SHOC2: variants seen among roughly 807,000 people sequenced by gnomAD.
SHOC2 encodes the protein SHOC2 leucine rich repeat scaffold protein.
In SHOC2, 4 loss-of-function variants were observed where a neutral mutation model predicts 50.2. That is an observed-to-expected ratio of 0.08 (90% CI 0.04 to 0.18). The LOEUF is 0.18. Ranked by LOEUF, SHOC2 falls within the 10% of genes least tolerant of loss-of-function variation. The pLI, the probability that SHOC2 is intolerant of heterozygous loss-of-function variation, is 1.00. For synonymous variants in SHOC2, 218 were observed against 244.5 expected (o/e 0.89, Z 1.01); for missense variants, 388 against 669.6 (o/e 0.58, Z 4.64).
chr10:110,994,507 G>C (rs749026228), intron 3 of SHOC2, among the ~76,000 whole-genome samples: 14 of 152,136 alleles, frequency 9.2e-5, no homozygotes, highest in Non-Finnish European at 1.0e-4. Context: ...AATGCCATCA[G>C]TTGAGCAATG....
At chr10:111,010,405 A>G (rs1848545032) in intron 8 of SHOC2, among the ~76,000 whole-genome samples, 1 of 152,160 alleles carries the variant, frequency 6.6e-6, no homozygotes, top group Non-Finnish European at 1.5e-5. Flanking sequence ...ATGTTTTCCC[A>G]TCTATAGTGC....
In SHOC2 at chr10:111,000,748, T is replaced by C. The variant is rs137904608; in HGVS notation, c.972+203T>C. ...ATGAACCTATTAAGTTTTATGATTATTATTTTTTTAATGTAAAGAAAAAGG... is the reference window on the plus strand; with the variant it reads ...ATGAACCTATTAAGTTTTATGATTACTATTTTTTTAATGTAAAGAAAAAGG... On this transcript the variant is annotated intron_variant, in intron 4 of 8. Coordinates refer to ENST00000369452, the MANE Select transcript of SHOC2 (RefSeq NM_007373.4). Among the ~76,000 whole-genome samples, 4 of 152,300 alleles carry C rather than the reference T, an allele frequency of 2.6e-5. No homozygotes were observed. The East Asian group carries it at 7.7e-4, about 29-fold the overall frequency.
upstream of SHOC2, chr10:110,919,537 CGGGGCGAGTGGGGGA>C (rs1846557221): frequency 5.7e-5 from 3 of 52,440 alleles, no homozygotes; most frequent in Non-Finnish European, 9.5e-5. Context: ...GCGGGCGGGG[CGGGGCGAGTGGGGGA>C]GGGGCGGGCG....
At chr10:110,937,352 G>A in intron 1 of SHOC2, 2 of 613,874 alleles carry the variant, frequency 3.3e-6, no homozygotes, top group Non-Finnish European at 5.8e-6. Context: ...AGGGACTGTT[G>A]GGTTTGCTTT....
At chr10:111,010,991 T>C (rs1187091526) in intron 8 of SHOC2, among the ~76,000 whole-genome samples, 1 of 152,236 alleles carries the variant, frequency 6.6e-6, no homozygotes, top group Non-Finnish European at 1.5e-5. Context: ...ATTTCTAGTA[T>C]ATTTATTCAC....
rs141944888 is a variant in SHOC2, at chr10:110,969,540, C to T, written c.703+4479C>T. On this transcript the variant is annotated intron_variant, in intron 2 of 8. Transcript: ENST00000369452. ...GATTTTATTTTTCTGGGAAGGAAAT[C>T]GTTGCTCATTGAAACCAGGTATAAA... Among the ~76,000 whole-genome samples the T allele has an allele frequency of 1.4e-3, 208 of 152,252 alleles. 1 individual carries two copies. The highest frequency in any genetic ancestry group is 4.7e-3 in the African/African-American group (196 of 41,562).
intron 2 of SHOC2, among the ~76,000 whole-genome samples, chr10:110,980,673 TCAAAA>T (rs1296547802): frequency 1.6e-4 from 24 of 152,308 alleles, no homozygotes; most frequent in Non-Finnish European, 2.9e-4. Context: ...TATTATCTGG[TCAAAA>T]TGGTCTAGAT....
Position 110,964,260 on chromosome 10 carries a change from A to G in SHOC2, c.-99A>G, listed in dbSNP as rs1054997592. 1 of 1,527,974 alleles carries G rather than the reference A, an allele frequency of 6.5e-7. No individual in the cohort carries two copies. Among genetic ancestry groups the G allele is most frequent in the Non-Finnish European group, 8.8e-7 (1 of 1,140,608 alleles). The allele number at this position is 1,527,974 out of a possible 1,614,324, so 94.7% of individuals were successfully genotyped here. On this transcript the variant is annotated 5_prime_UTR_variant, in exon 2 of 9. Transcript: ENST00000369452. The surrounding 1 kb of genome is among the most constrained non-coding windows in gnomAD (Gnocchi z 4.9). ...ATGCTGATTACTTCTTCAAGCCAGT[A>G]CTTTTTTGATTGTGTAGGATCTTTG...
intron 2 of SHOC2, among the ~76,000 whole-genome samples, chr10:110,981,429 C>T (rs371488934): frequency 6.6e-6 from 1 of 152,180 alleles, no homozygotes; most frequent in Non-Finnish European, 1.5e-5. Context: ...CATTTCTCTC[C>T]AGTTCTGGGG....
intron 1 of SHOC2, among the ~76,000 whole-genome samples, chr10:110,952,123 T>C (rs1847365604): frequency 6.6e-6 from 1 of 152,190 alleles, no homozygotes; most frequent in Non-Finnish European, 1.5e-5. Flanking sequence ...ATTTTTTGCC[T>C]TTTTACGTTT....
intron 3 of SHOC2, among the ~76,000 whole-genome samples, chr10:110,999,800 G>A (rs972333223): frequency 2.7e-5 from 4 of 147,804 alleles, no homozygotes; most frequent in African/African-American, 1.0e-4. Flanking sequence ...TTATTTATTC[G>A]ATAATGACTA....
At chr10:110,996,580 G>GAA (rs1427817774) in intron 3 of SHOC2, among the ~76,000 whole-genome samples, 4 of 151,680 alleles carry the variant, frequency 2.6e-5, no homozygotes, top group African/African-American at 9.7e-5. Context: ...ACAAACATGA[G>GAA]AAATATATTT....
chr10:110,959,277 A>G (rs1055337021), intron 1 of SHOC2, among the ~76,000 whole-genome samples: 4 of 152,222 alleles, frequency 2.6e-5, no homozygotes, highest in African/African-American at 9.6e-5. Flanking sequence ...AGTGATCATC[A>G]GAAATAACAA....
Position 110,955,114 on chromosome 10 carries a change from A to G in SHOC2, c.-234-9011A>G, listed in dbSNP as rs554278634. On this transcript the variant is annotated intron_variant, in intron 1 of 8. Coordinates refer to ENST00000369452, the MANE Select transcript of SHOC2 (RefSeq NM_007373.4). ...GGTTAGAGAATTTGAGCAGGAGAGT[A>G]ATATGAACTATTTGGATAAAAAGTG... Among the ~76,000 whole-genome samples the G allele has an allele frequency of 9.8e-5, 15 of 152,312 alleles. No individual in the cohort carries two copies. The South Asian group carries it at 3.1e-3, about 32-fold the overall frequency.
At chr10:110,997,998 CTT>C (rs67929631) in intron 3 of SHOC2, among the ~76,000 whole-genome samples, 56 of 136,546 alleles carry the variant, frequency 4.1e-4, no homozygotes, top group Admixed American at 7.3e-4. Context: ...TTATTATAGT[CTT>C]TTTTTTTTTT....
chr10:110,938,009 A>G lies in SHOC2; in HGVS notation c.-235+18352A>G, dbSNP rs1005549889. ...ATCTGAAAATTAAACTTTCATGTAC[A>G]AAGTTCTGCTACTAGAATATTTTTA... On this transcript the variant is annotated intron_variant, in intron 1 of 8. Coordinates refer to ENST00000369452, the MANE Select transcript of SHOC2 (RefSeq NM_007373.4). 6.6e-5 allele frequency among the ~76,000 whole-genome samples: 10 copies of G among 152,326 alleles called. No individual in the cohort carries two copies. The South Asian group carries it at 2.1e-3, about 32-fold the overall frequency.
At chr10:110,990,829 A>G (rs540498512) in intron 3 of SHOC2, among the ~76,000 whole-genome samples, 3 of 152,268 alleles carry the variant, frequency 2.0e-5, no homozygotes, top group African/African-American at 7.2e-5. Context: ...GGAGAACCAA[A>G]ATTTAAGATA....
At chr10:110,950,131 T>A (rs1306818147) in intron 1 of SHOC2, among the ~76,000 whole-genome samples, 2 of 152,124 alleles carry the variant, frequency 1.3e-5, no homozygotes, top group East Asian at 3.8e-4. Context: ...GATAACATGA[T>A]CTTATATGTA....
intron 2 of SHOC2, among the ~76,000 whole-genome samples, chr10:110,967,475 T>C (rs749844353): frequency 6.6e-6 from 1 of 152,196 alleles, no homozygotes; most frequent in Non-Finnish European, 1.5e-5. Flanking sequence ...TTAATTATAA[T>C]ATAATTCACA....
Sources: gnomAD v4.1 joint callset for allele counts (sites outside exome capture counted in the v4.1 genomes callset) on GRCh38, gnomAD v4.1.1 for gene constraint, Gnocchi (gnomAD v3.1) non-coding constraint, MANE v1.5 for transcripts, NCBI Gene and HGNC (gene_info 2026-07-23, HGNC 2026-07-21) for gene names.